The following HYCC2 variants were observed in gnomAD, a reference collection of about 807,000 sequenced individuals.
HYCC2 encodes the protein hyccin PI4KA lipid kinase complex subunit 2, also known as hyccin 2.
At chr2:201,070,923 G>A in the HYCC2 span, among the ~76,000 whole-genome samples, 1 of 152,044 alleles carries the variant, frequency 6.6e-6, no homozygotes, top group Admixed American at 6.6e-5. Flanking sequence ...ACTAGTATCT[G>A]TCAAGTCCAT....
chr2:201,038,603 A>G, the HYCC2 span, among the ~76,000 whole-genome samples: 1 of 152,144 alleles, frequency 6.6e-6, no homozygotes, highest in Non-Finnish European at 1.5e-5. Flanking sequence ...GGGACATGGA[A>G]GAAGCTGGAA....
chr2:200,976,714 C>T, the HYCC2 span: 3 of 152,028 alleles, frequency 2.0e-5, no homozygotes, highest in African/African-American at 7.3e-5. Flanking sequence ...ATGGTATATA[C>T]ACACTTTAAA....
chr2:201,054,109 T>A, the HYCC2 span, among the ~76,000 whole-genome samples: 2 of 152,186 alleles, frequency 1.3e-5, no homozygotes, highest in Admixed American at 1.3e-4. Flanking sequence ...TGCAAAGGGA[T>A]GTGTACCCAG....
chr2:201,018,527 T>C, the HYCC2 span, among the ~76,000 whole-genome samples: 2 of 152,198 alleles, frequency 1.3e-5, no homozygotes, highest in East Asian at 3.8e-4. Flanking sequence ...AACAAATCCA[T>C]GTCAATTATA....
chr2:201,053,440 G>A, the HYCC2 span, among the ~76,000 whole-genome samples: 143 of 152,330 alleles, frequency 9.4e-4, 3 homozygotes, highest in East Asian at 0.025. Flanking sequence ...ACATTTATAG[G>A]AATGCGAAAC....
chr2:200,998,923 C>T, the HYCC2 span, among the ~76,000 whole-genome samples: 2 of 152,166 alleles, frequency 1.3e-5, no homozygotes, highest in African/African-American at 4.8e-5. Context: ...AGCAGCCATA[C>T]TTTCAGATCC....
the HYCC2 span, among the ~76,000 whole-genome samples, chr2:200,998,901 G>A: frequency 1.3e-5 from 2 of 152,168 alleles, no homozygotes; most frequent in African/African-American, 4.8e-5. Context: ...CAAGCTGAAA[G>A]TCTGATCTGG....
chr2:201,003,387 G>A, the HYCC2 span, among the ~76,000 whole-genome samples: 1 of 152,154 alleles, frequency 6.6e-6, no homozygotes, highest in South Asian at 2.1e-4. Flanking sequence ...GGGAAGCTGA[G>A]GCAGGAGAAT....
At chr2:201,021,613 A>T in the HYCC2 span, 1 of 169,806 alleles carries the variant, frequency 5.9e-6, no homozygotes. Context: ...TTCATTATGT[A>T]CATGATAAAA....
the HYCC2 span, chr2:201,023,854 T>C: frequency 1.2e-6 from 1 of 803,942 alleles, no homozygotes; most frequent in African/African-American, 1.8e-5. Flanking sequence ...CATATTTTTA[T>C]GTTTCTCCAT....
chr2:201,035,629 G>C, the HYCC2 span, among the ~76,000 whole-genome samples: 1 of 152,178 alleles, frequency 6.6e-6, no homozygotes, highest in Admixed American at 6.5e-5. Context: ...GTCCAGCTTT[G>C]TTCCATTGCT....
the HYCC2 span, among the ~76,000 whole-genome samples, chr2:201,005,926 C>T: frequency 6.6e-6 from 1 of 151,600 alleles, no homozygotes; most frequent in Admixed American, 6.6e-5. Flanking sequence ...TCCGCCTCCC[C>T]GGGTTCAAGC....
the HYCC2 span, among the ~76,000 whole-genome samples, chr2:201,065,882 T>C: frequency 1.3e-5 from 2 of 152,144 alleles, no homozygotes; most frequent in Non-Finnish European, 2.9e-5. Flanking sequence ...CATATTTGGA[T>C]GCTAATTAAA....
At chr2:200,977,522 G>A in the HYCC2 span, 3 of 152,122 alleles carry the variant, frequency 2.0e-5, no homozygotes, top group Non-Finnish European at 2.9e-5. Context: ...TTAAAATAAC[G>A]ATTTTCCCCT....
chr2:201,035,560 G>C, the HYCC2 span, among the ~76,000 whole-genome samples: 13 of 152,208 alleles, frequency 8.5e-5, no homozygotes, highest in African/African-American at 3.1e-4. Flanking sequence ...TCCTCCTTTA[G>C]CTCGGAGTAG....
the HYCC2 span, chr2:200,987,455 T>G: frequency 7.8e-7 from 1 of 1,289,668 alleles, no homozygotes; most frequent in Non-Finnish European, 1.0e-6. Context: ...ACACGTTTGA[T>G]CCCTAGGTCA....
At chr2:201,040,471 T>TG in the HYCC2 span, among the ~76,000 whole-genome samples, 4 of 151,926 alleles carry the variant, frequency 2.6e-5, no homozygotes, top group African/African-American at 4.8e-5. Context: ...TTTTTTTTTT[T>TG]TGTGAATCTC....
At chr2:201,063,181 G>C in the HYCC2 span, 1 of 1,609,292 alleles carries the variant, frequency 6.2e-7, no homozygotes, top group Non-Finnish European at 8.5e-7. Context: ...AGAGCCTGAG[G>C]AGCCATTTTG....
At chr2:200,978,539 AT>A in the HYCC2 span, 1 of 127,906 alleles carries the variant, frequency 7.8e-6, no homozygotes, top group Non-Finnish European at 1.5e-5. Context: ...ACAGTAGTGC[AT>A]TCTTGGCTCA....
Sources: gnomAD v4.1 joint callset for allele counts (sites outside exome capture counted in the v4.1 genomes callset) on GRCh38, gnomAD v4.1.1 for gene constraint, MANE v1.5 for transcripts, NCBI Gene and HGNC (gene_info 2026-07-23, HGNC 2026-07-21) for gene names.